CLSTN2: variants seen among roughly 807,000 people sequenced by gnomAD.
CLSTN2 encodes calsyntenin-2.
Under a neutral mutation model 101.2 loss-of-function variants are expected in CLSTN2, and 48 were observed. The ratio of observed to expected loss-of-function variants is 0.47; its 90% CI spans 0.38 to 0.60. The LOEUF (loss-of-function observed/expected upper bound fraction) is 0.60. Among genes scored for constraint, CLSTN2 ranks in the 20% least tolerant of loss-of-function variants. The probability of loss-of-function intolerance (pLI) is 0.00; values close to 1 mark genes in which losing one functional copy is unlikely to be tolerated. For missense variants in CLSTN2, 1,160 were observed against 1,238.2 expected, an observed-to-expected ratio of 0.94 and a Z score of 0.95; for synonymous variants, 481 against 463.6, an observed-to-expected ratio of 1.04 and a Z score of -0.48.
At chr3:139,987,989 C>G (rs6769344) in intron 1 of CLSTN2, among the ~76,000 whole-genome samples, 49,839 of 152,134 alleles carry the variant, frequency 0.33, 10,106 homozygotes, top group Non-Finnish European at 0.46. Context: ...TTCTCAGAAA[C>G]AGAGAATGGG....
chr3:140,217,203 A>G (rs1290535553), intron 2 of CLSTN2, among the ~76,000 whole-genome samples: 1 of 152,174 alleles, frequency 6.6e-6, no homozygotes, highest in Non-Finnish European at 1.5e-5. Context: ...GGTCGGTTAC[A>G]TCTACCAGTG....
chr3:139,991,482 T>C (rs1468733207), intron 1 of CLSTN2, among the ~76,000 whole-genome samples: 2 of 152,212 alleles, frequency 1.3e-5, no homozygotes, highest in Non-Finnish European at 2.9e-5. Context: ...CAAAGTGATA[T>C]TGCAATGAGA....
At chr3:140,164,676 A>C (rs570335453) in intron 1 of CLSTN2, among the ~76,000 whole-genome samples, 5 of 152,240 alleles carry the variant, frequency 3.3e-5, no homozygotes, top group African/African-American at 1.2e-4. Context: ...GACAACTTAA[A>C]ATTTAAGTTT....
intron 1 of CLSTN2, among the ~76,000 whole-genome samples, chr3:140,019,002 A>C (rs1220166726): frequency 1.3e-5 from 2 of 152,122 alleles, no homozygotes; most frequent in African/African-American, 4.8e-5. Flanking sequence ...TTGCTTCAAG[A>C]GAGGGTCTAA....
intron 6 of CLSTN2, among the ~76,000 whole-genome samples, chr3:140,453,969 A>G (rs1933318740): frequency 6.6e-6 from 1 of 152,192 alleles, no homozygotes; most frequent in African/African-American, 2.4e-5. Flanking sequence ...TCTTTAAGAC[A>G]CTGCTAAAGA....
intron 5 of CLSTN2, among the ~76,000 whole-genome samples, chr3:140,436,210 A>G (rs2088686157): frequency 6.6e-6 from 1 of 152,152 alleles, no homozygotes; most frequent in African/African-American, 2.4e-5. Flanking sequence ...CTGTTTTCAT[A>G]GTTTGAGGTC....
intron 8 of CLSTN2, among the ~76,000 whole-genome samples, chr3:140,481,339 G>T (rs1934111782): frequency 1.3e-5 from 2 of 152,158 alleles, no homozygotes; most frequent in Admixed American, 6.5e-5. Flanking sequence ...ATGCTATTTT[G>T]GTTACTGTAG....
intron 1 of CLSTN2, among the ~76,000 whole-genome samples, chr3:140,024,280 G>A (rs906072849): frequency 2.6e-5 from 4 of 152,178 alleles, no homozygotes; most frequent in Non-Finnish European, 4.4e-5. Flanking sequence ...GCAGTGTTCC[G>A]CAGTGTGGGT....
At chr3:140,252,097 A>G (rs1453830335) in intron 2 of CLSTN2, among the ~76,000 whole-genome samples, 7 of 152,202 alleles carry the variant, frequency 4.6e-5, no homozygotes, top group Non-Finnish European at 8.8e-5. Context: ...CATGAACTTT[A>G]TTTATAAAGA....
At chr3:140,370,189 T>G (rs1380648980) in intron 2 of CLSTN2, among the ~76,000 whole-genome samples, 1 of 152,196 alleles carries the variant, frequency 6.6e-6, no homozygotes, top group African/African-American at 2.4e-5. Context: ...CCCTAGAGTC[T>G]GCTTCAATTA....
intron 1 of CLSTN2, among the ~76,000 whole-genome samples, chr3:140,134,283 C>A (rs924174897): frequency 2.0e-5 from 3 of 152,184 alleles, no homozygotes; most frequent in African/African-American, 7.2e-5. Context: ...TGAATATTTT[C>A]CTTCTGGACA....
At chr3:140,452,040 G>A (rs1933264469) in intron 6 of CLSTN2, among the ~76,000 whole-genome samples, 1 of 152,138 alleles carries the variant, frequency 6.6e-6, no homozygotes, top group African/African-American at 2.4e-5. Flanking sequence ...TAGCTGTCAG[G>A]AGTAAGAAAG....
chr3:140,132,843 T>G (rs1371236792), intron 1 of CLSTN2, among the ~76,000 whole-genome samples: 1 of 152,176 alleles, frequency 6.6e-6, no homozygotes, highest in Non-Finnish European at 1.5e-5. Context: ...TACCCCTTAC[T>G]CCATCCCAGG....
chr3:140,432,858 T>C (rs2088648704), intron 5 of CLSTN2, among the ~76,000 whole-genome samples: 1 of 152,182 alleles, frequency 6.6e-6, no homozygotes, highest in Admixed American at 6.5e-5. Context: ...ACAGTAATAA[T>C]CATTACCACT....
At chr3:140,223,636 A>G (rs1490151214) in intron 2 of CLSTN2, among the ~76,000 whole-genome samples, 2 of 152,188 alleles carry the variant, frequency 1.3e-5, no homozygotes, top group East Asian at 3.8e-4. Context: ...TCTCACAGAC[A>G]AGCTAGAAAT....
At chr3:140,384,963 C>T (rs909609300) in intron 2 of CLSTN2, among the ~76,000 whole-genome samples, 1 of 152,178 alleles carries the variant, frequency 6.6e-6, no homozygotes, top group African/African-American at 2.4e-5. Context: ...ATCAATTTCA[C>T]GGGCAGCTTG....
intron 5 of CLSTN2, among the ~76,000 whole-genome samples, chr3:140,442,754 C>T (rs1932970773): frequency 6.6e-6 from 1 of 152,132 alleles, no homozygotes; most frequent in Non-Finnish European, 1.5e-5. Flanking sequence ...CCTCGCTAAA[C>T]ATCCTATGTA....
chr3:140,477,508 T>A (rs1434274448), intron 8 of CLSTN2, among the ~76,000 whole-genome samples: 1 of 152,238 alleles, frequency 6.6e-6, no homozygotes, highest in Non-Finnish European at 1.5e-5. Context: ...GAAACTAGCA[T>A]TTTTGAGAGG....
intron 7 of CLSTN2, among the ~76,000 whole-genome samples, chr3:140,465,685 C>T (rs964485816): frequency 3.9e-5 from 6 of 152,150 alleles, no homozygotes; most frequent in Non-Finnish European, 7.3e-5. Flanking sequence ...TTATGATAAT[C>T]CAGCTTCAAT....
Sources: allele counts gnomAD v4.1 joint callset (sites outside exome capture counted in the v4.1 genomes callset), GRCh38; gene constraint gnomAD v4.1.1; transcripts MANE v1.5; gene names NCBI Gene and HGNC (gene_info 2026-07-23, HGNC 2026-07-21).